NPAT: variants seen among roughly 807,000 people sequenced by gnomAD.
NPAT encodes protein NPAT.
A neutral mutation model predicts 130.7 loss-of-function variants in NPAT; 52 were observed. The observed-to-expected ratio is 0.40, with a 90% CI of 0.32 to 0.50. NPAT has a LOEUF of 0.50. Ranked by LOEUF, NPAT falls within the 20% of genes least tolerant of loss-of-function variation. The pLI is 0.68. For synonymous variants in NPAT, 580 were observed against 584.8 expected (o/e 0.99, Z 0.12); for missense variants, 1,687 against 1,662.6 (o/e 1.01, Z -0.26).
intron 5 of NPAT, among the ~76,000 whole-genome samples, 180 bp from the exon 6 acceptor site, chr11:108,189,510 C>T (rs186599085): frequency 6.6e-6 from 1 of 152,280 alleles, no homozygotes; most frequent in Admixed American, 6.5e-5. Context: ...TGAATACAAT[C>T]AAGCTTTATA....
At chr11:108,209,711 A>G (rs1400987317) in intron 1 of NPAT, among the ~76,000 whole-genome samples, 1 of 151,980 alleles carries the variant, frequency 6.6e-6, no homozygotes, top group African/African-American at 2.4e-5. Context: ...AACATGGTGA[A>G]ACCTCCTTTC....
chr11:108,186,401 C>T (rs1225647393), intron 8 of NPAT, 81 bp downstream of exon 8: 2 of 988,104 alleles, frequency 2.0e-6, no homozygotes, highest in African/African-American at 3.2e-5. Context: ...GATACATACA[C>T]ACATACATAC....
In NPAT at chr11:108,211,132, C is replaced by T. The variant is rs188473087; in HGVS notation, c.37+11368G>A. Reference sequence around the variant, plus strand: ...TACTCGGGAGGCTGGGACAGAATCGCTTGAACCAGGGAGTCAGAGGTTGCA... The same window carrying T: ...TACTCGGGAGGCTGGGACAGAATCGTTTGAACCAGGGAGTCAGAGGTTGCA... On this transcript the variant is annotated intron_variant, in intron 1 of 17. Coordinates refer to ENST00000278612, the MANE Select transcript of NPAT (RefSeq NM_002519.3). 5.1e-3 allele frequency among the ~76,000 whole-genome samples: 771 copies of T among 152,020 alleles called. 25 individuals are homozygous for T. The highest frequency in any genetic ancestry group is 0.047 in the Admixed American group (712 of 15,272).
Position 108,157,972 on chromosome 11 carries a change from G to A in NPAT, c.*970C>T, listed in dbSNP as rs1040519206. The A allele has an allele frequency of 6.6e-6, 1 of 152,418 alleles. No individual in the cohort carries two copies. The highest frequency in any genetic ancestry group is 2.4e-5 in the African/African-American group (1 of 41,404). 9.4% of individuals were successfully genotyped at this position (152,418 alleles called of 1,614,324 possible). ...GTTATTTAACATACCCATTGTAGGA[G>A]AAACTAAAATATAAAACTATGATTT... On this transcript the variant is annotated 3_prime_UTR_variant, in exon 18 of 18. Coordinates refer to ENST00000278612, the MANE Select transcript of NPAT (RefSeq NM_002519.3).
In NPAT at chr11:108,222,543, A is replaced by G; in HGVS notation, c.-7T>C. Reference sequence around the variant, plus strand: ...CGTCCGAGGGTAACAACATGATCAAAACCACAGCAGGAACCACAATAAGGA... The same window carrying G: ...CGTCCGAGGGTAACAACATGATCAAGACCACAGCAGGAACCACAATAAGGA... On this transcript the variant is annotated 5_prime_UTR_variant, in exon 1 of 18. Transcript: ENST00000278612. 2 of 1,613,856 alleles carry G rather than the reference A, an allele frequency of 1.2e-6. No homozygotes were observed. The highest frequency in any genetic ancestry group is 1.7e-6 in the Non-Finnish European group (2 of 1,179,912).
At chr11:108,176,094 G>A in intron 12 of NPAT, 152 bp downstream of exon 12, 1 of 633,670 alleles carries the variant, frequency 1.6e-6, no homozygotes, top group African/African-American at 1.8e-5. Context: ...AACTACCAAA[G>A]ATTTATAATT....
In NPAT at chr11:108,172,736, C is replaced by T. The variant is rs1353467863; in HGVS notation, c.2248G>A (p.Val750Ile). 1.9e-6 allele frequency: 3 copies of T among 1,613,454 alleles called. No individual in the cohort carries two copies. Among genetic ancestry groups the T allele is most frequent in the South Asian group, 1.1e-5 (1 of 91,080 alleles). ...CTGGTAAGTTCAGTATCTGAGGAAA[C>T]AAATGGATCATCACTAATGATAACT... ...LKVIISDDPF[V>I]SSDTELTSAV... The change falls in exon 13 of 18, where the codon GTT (valine) becomes ATT (isoleucine). Residue 750 changes from valine to isoleucine, a missense_variant. This residue lies in a region of NPAT where 1,379 missense variants were observed against 1,346.6 expected (regional missense o/e 1.02). Coordinates refer to ENST00000278612, the MANE Select transcript of NPAT (RefSeq NM_002519.3).
chr11:108,191,203 T>G (rs912347867), intron 4 of NPAT, among the ~76,000 whole-genome samples: 37 of 152,206 alleles, frequency 2.4e-4, no homozygotes, highest in African/African-American at 8.9e-4. Flanking sequence ...AAATTCTGAT[T>G]TCACATGACT....
intron 1 of NPAT, among the ~76,000 whole-genome samples, chr11:108,210,223 G>A (rs1421799670): frequency 2.6e-5 from 4 of 152,044 alleles, no homozygotes; most frequent in African/African-American, 7.3e-5. Context: ...TAGATGAAAT[G>A]AGTAATTCTT....
intron 1 of NPAT, among the ~76,000 whole-genome samples, chr11:108,201,044 T>C (rs1419128892): frequency 6.6e-6 from 1 of 152,190 alleles, no homozygotes; most frequent in African/African-American, 2.4e-5. Flanking sequence ...AGTTTTACAA[T>C]ATGTAGATGA....
At chr11:108,164,213 G>C (rs950697139) in intron 15 of NPAT, among the ~76,000 whole-genome samples, 1 of 152,200 alleles carries the variant, frequency 6.6e-6, no homozygotes, top group Non-Finnish European at 1.5e-5. Context: ...GACTGGAATA[G>C]TTTGAAGGAG....
intron 1 of NPAT, among the ~76,000 whole-genome samples, chr11:108,218,994 A>C (rs1409813472): frequency 6.6e-6 from 1 of 152,214 alleles, no homozygotes. Flanking sequence ...ATAAAGGTGA[A>C]TAGAACCAGC....
intron 1 of NPAT, among the ~76,000 whole-genome samples, chr11:108,201,251 T>C (rs1484798234): frequency 6.6e-6 from 1 of 152,148 alleles, no homozygotes; most frequent in African/African-American, 2.4e-5. Context: ...TCTCCTCTTT[T>C]CCTCTCCCCA....
At chr11:108,162,948 A>G (rs2077866684) in intron 15 of NPAT, among the ~76,000 whole-genome samples, 1 of 152,226 alleles carries the variant, frequency 6.6e-6, no homozygotes, top group African/African-American at 2.4e-5. Flanking sequence ...CACGAGCTTC[A>G]GCATTTATGT....
intron 10 of NPAT, among the ~76,000 whole-genome samples, chr11:108,181,953 G>T (rs2078062240): frequency 6.6e-6 from 1 of 152,184 alleles, no homozygotes; most frequent in Non-Finnish European, 1.5e-5. Context: ...GTCAAGTAGT[G>T]TGATGGCTTT....
At chr11:108,176,489 A>C (rs1171836476) in intron 11 of NPAT, 115 bp from the exon 12 acceptor site, 9 of 779,190 alleles carry the variant, frequency 1.2e-5, no homozygotes, top group Non-Finnish European at 4.2e-6. Context: ...GGTTTTATGG[A>C]TGTTTAAAAA....
rs76679483 is a variant in NPAT at position 108,195,983 on chromosome 11, T to G, written c.156+1319A>C. Among the ~76,000 whole-genome samples, 1,511 of 152,324 alleles carry G rather than the reference T, an allele frequency of 9.9e-3. 26 individuals are homozygous for G. The highest frequency in any genetic ancestry group is 0.034 in the African/African-American group (1,405 of 41,566). ...AGCAAGTTTTTAATTTTTTATAAAG[T>G]TGAATTTGCCTAATTTTTGCCTTTA... is the stretch of plus-strand genomic sequence containing the variant. On this transcript the variant is annotated intron_variant, in intron 2 of 17. Coordinates refer to ENST00000278612, the MANE Select transcript of NPAT (RefSeq NM_002519.3).
rs746933495 is a variant in NPAT at position 108,169,826 on chromosome 11, A to T, written c.2928T>A (p.Pro976=). ...RQVLHMPLTA[P]VCNRSIPQFP... is the part of the protein sequence containing the mutation. ...ATTGAGGGATACTTCTATTGCATAC[A>T]GGTGCTGTCAAAGGCATATGAAGAA... Residue 976 remains proline (P), a synonymous_variant, in exon 15 of 18, where the codon CCT becomes CCA. Transcript: ENST00000278612. 23 of 1,613,908 alleles carry T rather than the reference A, an allele frequency of 1.4e-5. No individual in the cohort carries two copies. The highest frequency in any genetic ancestry group is 1.9e-5 in the Non-Finnish European group (22 of 1,179,882).
intron 15 of NPAT, among the ~76,000 whole-genome samples, chr11:108,166,003 C>CA (rs1383602430): frequency 2.0e-4 from 1 of 4,986 alleles, no homozygotes; most frequent in Non-Finnish European, 3.7e-4. Flanking sequence ...AGGCTGATCT[C>CA]AAACTCCTGG....
Sources: gnomAD v4.1 joint callset for allele counts (sites outside exome capture counted in the v4.1 genomes callset) on GRCh38, gnomAD v4.1.1 for gene constraint, gnomAD v4.1.1 regional missense constraint, MANE v1.5 for transcripts, NCBI Gene and HGNC (gene_info 2026-07-23, HGNC 2026-07-21) for gene names.